The following GABRA4 variants were observed in gnomAD, a reference collection of about 807,000 sequenced individuals.
GABRA4 encodes gamma-aminobutyric acid type A receptor subunit alpha4, also known as gamma-aminobutyric acid receptor subunit alpha-4.
GABRA4 carries 12 observed loss-of-function variants against 49.7 expected under a neutral mutation model. That is an observed-to-expected ratio of 0.24 (90% CI 0.15 to 0.39). The LOEUF is 0.39. Among genes scored for constraint, GABRA4 ranks in the 10% least tolerant of loss-of-function variants. The pLI is 1.00. For missense variants in GABRA4, 506 were observed against 686.0 expected, an observed-to-expected ratio of 0.74 and a Z score of 2.93; for synonymous variants, 288 against 240.2, an observed-to-expected ratio of 1.20 and a Z score of -1.84.
intron 7 of GABRA4, among the ~76,000 whole-genome samples, chr4:46,970,667 C>T (rs1722922963): frequency 6.6e-6 from 1 of 151,400 alleles, no homozygotes; most frequent in African/African-American, 2.4e-5. Flanking sequence ...TCATTAAAAG[C>T]TAAATTATTC....
intron 2 of GABRA4, among the ~76,000 whole-genome samples, chr4:46,984,751 T>G (rs968782073): frequency 6.6e-6 from 1 of 151,978 alleles, no homozygotes; most frequent in Non-Finnish European, 1.5e-5. Context: ...AAAATGCCAT[T>G]TTAAGAAATA....
intron 2 of GABRA4, among the ~76,000 whole-genome samples, chr4:46,990,455 T>A (rs762352565): frequency 3.9e-5 from 6 of 152,216 alleles, no homozygotes; most frequent in African/African-American, 7.2e-5. Flanking sequence ...GAATTACAGC[T>A]TGCATTATAG....
At chr4:46,965,609 AACAG>A (rs372748099) in intron 7 of GABRA4, among the ~76,000 whole-genome samples, 398 of 151,864 alleles carry the variant, frequency 2.6e-3, no homozygotes, top group African/African-American at 8.9e-3. Flanking sequence ...CAACGGACTC[AACAG>A]ACACACACCT....
chr4:46,925,718 T>C lies in GABRA4; in HGVS notation c.*2507A>G. ...CAGTTAAGGAAAGCAAACAACATAT[T>C]ATTATTATTATTATTATTATTATTA... On this transcript the variant is annotated 3_prime_UTR_variant, in exon 9 of 9. Transcript: ENST00000264318. 2 of 30,064 alleles carry C rather than the reference T, an allele frequency of 6.7e-5. No homozygotes were observed. The highest frequency in any genetic ancestry group is 1.7e-3 in the South Asian group (2 of 1,180). The allele number at this position is 30,064 out of a possible 1,614,324, so 1.9% of individuals were successfully genotyped here.
chr4:46,973,138 A>G (rs141274660), intron 6 of GABRA4, among the ~76,000 whole-genome samples: 159 of 151,940 alleles, frequency 1.0e-3, no homozygotes, highest in Middle Eastern at 3.4e-3. Flanking sequence ...AAAAAAATAC[A>G]TGGAAATAAT....
chr4:46,928,493 C>T lies in GABRA4; in HGVS notation c.1397G>A (p.Arg466Gln), dbSNP rs115206335. ...AGAAGCAGATCCAACTGAAGCCTTT[C>T]GAGGCATATATCCAGTTCGGATAGA... ...PTSIRTGYMP[R>Q]KASVGSASTR... The change falls in exon 9 of 9, where the codon CGA (arginine) becomes CAA (glutamine). Residue 466 changes from arginine (R) to glutamine (Q), a missense_variant. Physicochemically the swap from Arg to Gln is conservative, Grantham distance 43 (BLOSUM62 1). Around this residue, in one of 5 missense-constraint regions of GABRA4, gnomAD observed 243 missense variants for 210.8 expected, o/e 1.15. Transcript: ENST00000264318. 2,003 of 1,613,610 alleles carry T rather than the reference C, an allele frequency of 1.2e-3. 8 individuals are homozygous for T. Among genetic ancestry groups the T allele is most frequent in the Middle Eastern group, 6.3e-3 (38 of 6,058 alleles).
chr4:46,959,765 A>AAAAG (rs1168409817), intron 8 of GABRA4, among the ~76,000 whole-genome samples: 2 of 148,480 alleles, frequency 1.3e-5, no homozygotes, highest in African/African-American at 2.4e-5. Context: ...TTGCAAAAAA[A>AAAAG]AAAAAAAAAA....
chr4:46,992,583 A>C, intron 2 of GABRA4: 1 of 505,184 alleles, frequency 2.0e-6, no homozygotes, highest in South Asian at 3.0e-5. Flanking sequence ...CCCACCCAGC[A>C]GTCAGGTCCC....
intron 8 of GABRA4, among the ~76,000 whole-genome samples, chr4:46,955,344 T>A (rs1010855724): frequency 1.3e-5 from 2 of 152,098 alleles, no homozygotes; most frequent in African/African-American, 4.8e-5. Flanking sequence ...AATCTTCAAT[T>A]TTGATGCGAA....
At chr4:46,986,365 A>T (rs761192393) in intron 2 of GABRA4, among the ~76,000 whole-genome samples, 11 of 152,004 alleles carry the variant, frequency 7.2e-5, no homozygotes, top group Non-Finnish European at 1.3e-4. Context: ...TTAAGTTCTT[A>T]TCTTACTTCA....
Position 46,933,035 on chromosome 4 carries a change from A to T in GABRA4, c.1135-4280T>A, listed in dbSNP as rs570042961. Among the ~76,000 whole-genome samples the T allele has an allele frequency of 3.3e-5, 5 of 152,312 alleles. No homozygotes were observed. In the South Asian group the frequency reaches 6.2e-4, roughly 19 times the overall value. ...GGAGAGTCTAAGCAAAAATAAAAAGAATCAGTCTAAGGTGGTTAGAAAAAA... is the reference window on the plus strand; with the variant it reads ...GGAGAGTCTAAGCAAAAATAAAAAGTATCAGTCTAAGGTGGTTAGAAAAAA... On this transcript the variant is annotated intron_variant, in intron 8 of 8. Coordinates refer to ENST00000264318, the MANE Select transcript of GABRA4 (RefSeq NM_000809.4).
At chr4:46,958,985 A>C (rs1345051176) in intron 8 of GABRA4, among the ~76,000 whole-genome samples, 1 of 152,004 alleles carries the variant, frequency 6.6e-6, no homozygotes, top group East Asian at 1.9e-4. Flanking sequence ...GTTGGAACAC[A>C]TATTTGAATA....
intron 8 of GABRA4, among the ~76,000 whole-genome samples, chr4:46,936,222 C>T (rs1721598197): frequency 6.6e-6 from 1 of 152,138 alleles, no homozygotes; most frequent in Non-Finnish European, 1.5e-5. Context: ...ATCTTGTGTA[C>T]TATTCTATCA....
chr4:46,972,100 G>C (rs893394639), intron 6 of GABRA4, among the ~76,000 whole-genome samples: 1 of 151,588 alleles, frequency 6.6e-6, no homozygotes, highest in Admixed American at 6.6e-5. Flanking sequence ...TTGCAGACTG[G>C]AAAATAAATG....
intron 8 of GABRA4, 73 bp downstream of exon 8, chr4:46,964,897 G>T: frequency 2.1e-6 from 3 of 1,461,826 alleles, no homozygotes; most frequent in Non-Finnish European, 2.7e-6. Flanking sequence ...TAAGTTCTCA[G>T]TTTGTTTCCC....
At chr4:46,972,376 A>G (rs576552518) in intron 6 of GABRA4, among the ~76,000 whole-genome samples, 1 of 151,648 alleles carries the variant, frequency 6.6e-6, no homozygotes, top group East Asian at 1.9e-4. Context: ...AGACTTATGT[A>G]TTAATTTTAT....
chr4:46,944,796 C>A (rs1346495055), intron 8 of GABRA4, among the ~76,000 whole-genome samples: 2 of 152,124 alleles, frequency 1.3e-5, no homozygotes, highest in African/African-American at 2.4e-5. Context: ...CATCTTCACA[C>A]CGCATCCTAA....
At chr4:46,986,209 CTTCT>C (rs934194958) in intron 2 of GABRA4, among the ~76,000 whole-genome samples, 2 of 151,930 alleles carry the variant, frequency 1.3e-5, no homozygotes, top group Non-Finnish European at 2.9e-5. Flanking sequence ...TACCTCCTTC[CTTCT>C]ACCATCGCAA....
At chr4:46,944,777 G>A (rs775349715) in intron 8 of GABRA4, among the ~76,000 whole-genome samples, 3 of 151,968 alleles carry the variant, frequency 2.0e-5, no homozygotes, top group Non-Finnish European at 2.9e-5. Flanking sequence ...ACTCAAATCA[G>A]GACCATTGCA....
Sources: gnomAD v4.1 joint callset for allele counts (sites outside exome capture counted in the v4.1 genomes callset) on GRCh38, gnomAD v4.1.1 for gene constraint, gnomAD v4.1.1 regional missense constraint, MANE v1.5 for transcripts, NCBI Gene and HGNC (gene_info 2026-07-23, HGNC 2026-07-21) for gene names.